Variants in ZMIZ1 observed in about 807,000 individuals in gnomAD.
The protein encoded by ZMIZ1 is zinc finger MIZ domain-containing protein 1.
ZMIZ1 carries 17 observed loss-of-function variants against 113.9 expected under a neutral mutation model. The observed-to-expected ratio is 0.15, with a 90% CI of 0.10 to 0.22. The LOEUF (loss-of-function observed/expected upper bound fraction) is 0.22, where lower values mean the gene tolerates loss of function less well. ZMIZ1 is among the 10% of genes least tolerant of loss of function. The pLI is 1.00. For synonymous variants in ZMIZ1, 607 were observed against 603.1 expected (o/e 1.01, Z -0.09); for missense variants, 1,059 against 1,477.8 (o/e 0.72, Z 4.65).
intron 5 of ZMIZ1, 97 bp downstream of exon 5, chr10:79,201,789 G>A (rs1435276567): frequency 2.2e-6 from 3 of 1,350,466 alleles, no homozygotes; most frequent in Non-Finnish European, 2.1e-6. Context: ...CGATGGCAGG[G>A]CCTCCTGACC....
intron 7 of ZMIZ1, among the ~76,000 whole-genome samples, chr10:79,243,042 G>A (rs1007315411): frequency 1.7e-4 from 25 of 151,394 alleles, no homozygotes; most frequent in Admixed American, 1.2e-3. Flanking sequence ...GCGCGCGCGA[G>A]CCGGGGCTCC....
At chr10:79,220,709 C>T (rs1848929958) in intron 7 of ZMIZ1, among the ~76,000 whole-genome samples, 1 of 152,198 alleles carries the variant, frequency 6.6e-6, no homozygotes, top group African/African-American at 2.4e-5. Context: ...CTTTCTCTGC[C>T]TTCCTGGGTT....
intron 4 of ZMIZ1, among the ~76,000 whole-genome samples, chr10:79,181,131 C>G (rs558543924): frequency 6.6e-6 from 1 of 152,312 alleles, no homozygotes; most frequent in East Asian, 1.9e-4. Context: ...TGTGGCCCTG[C>G]GTCCTGAGTC....
intron 4 of ZMIZ1, among the ~76,000 whole-genome samples, chr10:79,169,350 G>A (rs914215543): frequency 1.3e-5 from 2 of 152,228 alleles, no homozygotes; most frequent in Non-Finnish European, 2.9e-5. Flanking sequence ...GTTCCCAGTT[G>A]CCTCCTGCCC....
At position 79,296,736 on chromosome 10, in the gene ZMIZ1, A is replaced by C. The variant is rs1853922116; in HGVS notation, c.1413+83A>C. ...CCCTAACTCCACCGGGATCACTCTG[A>C]CCCTGCGTGTGTTTGCCCCAAGGAC... On this transcript the variant is annotated intron_variant, in intron 13 of 24. Transcript: ENST00000334512. The surrounding 1 kb of genome is among the most constrained non-coding windows in gnomAD (Gnocchi z 4.1). The C allele has an allele frequency of 4.4e-6, 6 of 1,366,314 alleles. No homozygotes were observed. Among genetic ancestry groups the C allele is most frequent in the Non-Finnish European group, 5.9e-6 (6 of 1,017,540 alleles). The allele number at this position is 1,366,314 out of a possible 1,614,324, so 84.6% of individuals were successfully genotyped here. A position where few individuals can be genotyped will look rare whatever the true frequency, so the allele number is the denominator to read the frequency against.
chr10:79,154,154 A>G (rs958901666), intron 3 of ZMIZ1, among the ~76,000 whole-genome samples: 3 of 152,142 alleles, frequency 2.0e-5, no homozygotes, highest in African/African-American at 4.8e-5. Context: ...TTGTGGGCCA[A>G]TATTGGACCC....
intron 1 of ZMIZ1, among the ~76,000 whole-genome samples, chr10:79,102,765 C>T (rs10824716): frequency 0.22 from 33,500 of 152,178 alleles, 4,196 homozygotes; most frequent in Non-Finnish European, 0.29. Flanking sequence ...GGCTCAGTGC[C>T]CTCATCTGAG....
At chr10:79,221,633 C>T (rs944201170) in intron 7 of ZMIZ1, among the ~76,000 whole-genome samples, 1 of 152,196 alleles carries the variant, frequency 6.6e-6, no homozygotes, top group African/African-American at 2.4e-5. Context: ...CCCACGCCTG[C>T]TGGCAACGTG....
chr10:79,297,673 C>G lies in ZMIZ1; in HGVS notation c.1474C>G (p.Gln492Glu), dbSNP rs774424407. Residue 492 changes from glutamine to glutamate, a missense_variant, in exon 14 of 25, where the codon CAA (glutamine) becomes GAA (glutamate). Gln to Glu is a conservative substitution (Grantham distance 29). Around this residue, in one of 6 missense-constraint regions of ZMIZ1, gnomAD observed 239 missense variants for 247.5 expected, o/e 0.97. Coordinates refer to ENST00000334512, the MANE Select transcript of ZMIZ1 (RefSeq NM_020338.4). ...GGGAAGCAGCTACAGTAACTACAGC[C>G]AAGGGAATGTCAACAGGGTATGTTC... Reference protein sequence around the residue: ...FSGSSYSNYSQGNVNRPPRPV... With the variant: ...FSGSSYSNYSEGNVNRPPRPV... 6.2e-7 allele frequency: 1 copy of G among 1,614,038 alleles called. No individual in the cohort carries two copies. Among genetic ancestry groups the G allele is most frequent in the Non-Finnish European group, 8.5e-7 (1 of 1,179,910 alleles).
intron 8 of ZMIZ1, among the ~76,000 whole-genome samples, chr10:79,280,726 A>G (rs1852679221): frequency 7.1e-6 from 1 of 141,268 alleles, no homozygotes; most frequent in Non-Finnish European, 1.5e-5. Context: ...CCTAAGCATT[A>G]TCACAATAAA....
intron 8 of ZMIZ1, among the ~76,000 whole-genome samples, chr10:79,285,123 C>G (rs1564581818): frequency 6.6e-6 from 1 of 152,192 alleles, no homozygotes; most frequent in South Asian, 2.1e-4. Context: ...TCCTAAGTTC[C>G]TAAGACAGTG....
chr10:79,177,654 GT>G (rs1846929576), intron 4 of ZMIZ1, among the ~76,000 whole-genome samples: 1 of 152,238 alleles, frequency 6.6e-6, no homozygotes, highest in South Asian at 2.1e-4. Flanking sequence ...GTGGCCCTGG[GT>G]GCCTAAGCAC....
Position 79,298,565 on chromosome 10 carries a change from C to G in ZMIZ1, c.1651C>G (p.Leu551Val). The G allele has an allele frequency of 1.3e-6, 2 of 1,599,782 alleles. No homozygotes were observed. Among genetic ancestry groups the G allele is most frequent in the Non-Finnish European group, 1.7e-6 (2 of 1,174,564 alleles). Residue 551 changes from leucine to valine, a missense_variant, in exon 15 of 25, where the codon CTG (leucine) becomes GTG (valine). Leu to Val is a conservative substitution (Grantham distance 32, BLOSUM62 1). Transcript: ENST00000334512. The part of the protein sequence containing the change: ...PPDIKPNMSA[L>V]PPPPANHNDE... ...TGACATCAAGCCAAATATGAGCGCT[C>G]TGCCACCACCCCCAGGTGAGGGCCC...
At chr10:79,240,182 TTTC>T (rs1401163326) in intron 7 of ZMIZ1, among the ~76,000 whole-genome samples, 1 of 152,194 alleles carries the variant, frequency 6.6e-6, no homozygotes, top group Non-Finnish European at 1.5e-5. Flanking sequence ...CAGCTCGCCC[TTTC>T]TTCTTCCTTT....
intron 7 of ZMIZ1, among the ~76,000 whole-genome samples, chr10:79,225,248 TA>T (rs1849155335): frequency 6.6e-6 from 1 of 152,236 alleles, no homozygotes; most frequent in Non-Finnish European, 1.5e-5. Context: ...GTACCGCTTG[TA>T]TTAAGATTGA....
intron 21 of ZMIZ1, 104 bp downstream of exon 21, chr10:79,305,705 C>G: frequency 8.3e-7 from 1 of 1,206,414 alleles, no homozygotes; most frequent in Non-Finnish European, 1.2e-6. Flanking sequence ...CCCTCCCAGG[C>G]CAGCAGACCG....
chr10:79,196,162 T>C (rs1379386786), intron 4 of ZMIZ1, among the ~76,000 whole-genome samples: 1 of 152,202 alleles, frequency 6.6e-6, no homozygotes, highest in Non-Finnish European at 1.5e-5. Flanking sequence ...CTCAACAGTT[T>C]AAAAATGTCA....
intron 4 of ZMIZ1, among the ~76,000 whole-genome samples, chr10:79,167,845 C>T (rs1475098660): frequency 6.6e-6 from 1 of 152,210 alleles, no homozygotes; most frequent in Non-Finnish European, 1.5e-5. Flanking sequence ...GCCCCTCCCA[C>T]ATCAGCCAGC....
At chr10:79,301,152 G>A (rs984696386) in intron 17 of ZMIZ1, among the ~76,000 whole-genome samples, 1 of 152,128 alleles carries the variant, frequency 6.6e-6, no homozygotes, top group African/African-American at 2.4e-5. Context: ...AAGCCACTGT[G>A]CCCTGGCTTC....
Sources: allele counts gnomAD v4.1 joint callset (sites outside exome capture counted in the v4.1 genomes callset), GRCh38; gene constraint gnomAD v4.1.1; regional missense constraint gnomAD v4.1.1; non-coding constraint Gnocchi (gnomAD v3.1); transcripts MANE v1.5; gene names NCBI Gene and HGNC (gene_info 2026-07-23, HGNC 2026-07-21).